The following NDUFA8 variants were observed in gnomAD, a reference collection of about 807,000 sequenced individuals.
The protein encoded by NDUFA8 is NADH:ubiquinone oxidoreductase subunit A8.
NDUFA8 carries 16 observed loss-of-function variants against 20.9 expected under a neutral mutation model. The observed-to-expected ratio is 0.77, with a 90% CI of 0.52 to 1.16. The LOEUF (loss-of-function observed/expected upper bound fraction) is 1.16. Among genes scored for constraint, NDUFA8 ranks in the 50% most tolerant of loss-of-function variants. NDUFA8 has a pLI of 0.00. For synonymous variants in NDUFA8, 70 were observed against 76.1 expected, an observed-to-expected ratio of 0.92 and a Z score of 0.41; for missense variants, 202 against 216.4, an observed-to-expected ratio of 0.93 and a Z score of 0.42.
chr9:122,140,678 G>A (rs185357444), downstream of NDUFA8, among the ~76,000 whole-genome samples: 7 of 152,280 alleles, frequency 4.6e-5, no homozygotes, highest in African/African-American at 7.2e-5. Flanking sequence ...CCAGGGTCAC[G>A]ACAGGTGTTA....
chr9:122,158,571 ATTAC>A (rs149064590), intron 1 of NDUFA8, among the ~76,000 whole-genome samples: 1,901 of 151,996 alleles, frequency 0.013, 46 homozygotes, highest in African/African-American at 0.044. Flanking sequence ...TTCCAGCTCT[ATTAC>A]TTACGAGCTC....
Position 122,159,771 on chromosome 9 carries a change from C to A in NDUFA8, c.-94G>T. 1.9e-6 allele frequency: 3 copies of A among 1,566,722 alleles called. No individual in the cohort carries two copies. The highest frequency in any genetic ancestry group is 2.6e-6 in the Non-Finnish European group (3 of 1,138,236). On this transcript the variant is annotated 5_prime_UTR_variant, in exon 1 of 4. Coordinates refer to ENST00000373768, the MANE Select transcript of NDUFA8 (RefSeq NM_014222.3). The stretch of plus-strand genomic sequence containing the variant: ...TTCGACCGCCGAGTGCCACACGGCG[C>A]CTGCGCATGCGCATCCGGCAACACG...
intron 1 of NDUFA8, 127 bp downstream of exon 1, chr9:122,159,500 T>A (rs529305520): frequency 8.8e-7 from 1 of 1,141,768 alleles, no homozygotes; most frequent in African/African-American, 1.5e-5. Flanking sequence ...GGTCGACCTG[T>A]ATATGCGTTG....
chr9:122,158,756 G>T (rs1009259560), intron 1 of NDUFA8, among the ~76,000 whole-genome samples: 3 of 143,002 alleles, frequency 2.1e-5, no homozygotes, highest in Admixed American at 7.0e-5. Flanking sequence ...TATATATATG[G>T]TATATATATA....
chr9:122,155,888 CAT>C lies in NDUFA8; in HGVS notation c.52-3482_52-3481del, dbSNP rs1829069864. Among the ~76,000 whole-genome samples, 4 of 152,282 alleles carry C rather than the reference CAT, an allele frequency of 2.6e-5. 1 individual carries two copies. The highest frequency in any genetic ancestry group is 2.6e-4 in the Admixed American group (4 of 15,290). On this transcript the variant is annotated intron_variant, in intron 1 of 3. Transcript: ENST00000373768. ...AATCTTATCAAAATGAAGGTATACA[CAT>C]GTTGCTGAGCATATAAAACACCATC...
At chr9:122,158,773 C>CA (rs1244440274) in intron 1 of NDUFA8, among the ~76,000 whole-genome samples, 3 of 146,630 alleles carry the variant, frequency 2.0e-5, no homozygotes, top group African/African-American at 7.8e-5. Context: ...TATATACACA[C>CA]CAATTGTGTG....
intron 3 of NDUFA8, among the ~76,000 whole-genome samples, chr9:122,146,382 T>C (rs1358066045): frequency 6.6e-6 from 1 of 152,262 alleles, no homozygotes; most frequent in African/African-American, 2.4e-5. Flanking sequence ...TGACTTGTTA[T>C]TTCTTCTTTC....
chr9:122,149,173 A>C (rs1456263746), intron 2 of NDUFA8, among the ~76,000 whole-genome samples: 1 of 152,132 alleles, frequency 6.6e-6, no homozygotes, highest in African/African-American at 2.4e-5. Flanking sequence ...CTACACTCTC[A>C]CATGAATCTT....
intron 1 of NDUFA8, among the ~76,000 whole-genome samples, chr9:122,158,801 ATG>A: frequency 7.2e-6 from 1 of 139,804 alleles, no homozygotes; most frequent in East Asian, 2.0e-4. Context: ...ATATATGTGT[ATG>A]TGTGTGTATA....
chr9:122,135,316 T>A, the NDUFA8 span, among the ~76,000 whole-genome samples: 1 of 152,220 alleles, frequency 6.6e-6, no homozygotes, highest in African/African-American at 2.4e-5. Context: ...GTTGTTATTC[T>A]CATTTCTCAA....
At chr9:122,146,310 TCA>T (rs1828904271) in intron 3 of NDUFA8, among the ~76,000 whole-genome samples, 1 of 152,166 alleles carries the variant, frequency 6.6e-6, no homozygotes, top group African/African-American at 2.4e-5. Context: ...TTTTTTTATC[TCA>T]CAGAGTTTTA....
chr9:122,151,807 T>C (rs1482417068), intron 2 of NDUFA8, among the ~76,000 whole-genome samples: 3 of 152,202 alleles, frequency 2.0e-5, no homozygotes, highest in Non-Finnish European at 4.4e-5. Flanking sequence ...TTAAGTATCA[T>C]GCACAATGAC....
At chr9:122,148,002 G>A (rs1828931236) in intron 3 of NDUFA8, 110 bp downstream of exon 3, 1 of 1,273,620 alleles carries the variant, frequency 7.9e-7, no homozygotes, top group African/African-American at 1.5e-5. Flanking sequence ...TGGTAAATCT[G>A]GTAAGTTCTT....
At chr9:122,146,821 A>G (rs961423592) in intron 3 of NDUFA8, among the ~76,000 whole-genome samples, 2 of 152,222 alleles carry the variant, frequency 1.3e-5, no homozygotes, top group East Asian at 3.9e-4. Context: ...ACCTGTGCCC[A>G]GGAAGTCAAG....
intron 1 of NDUFA8, among the ~76,000 whole-genome samples, chr9:122,154,387 T>C (rs569047699): frequency 3.3e-5 from 5 of 152,236 alleles, no homozygotes; most frequent in Non-Finnish European, 7.3e-5. Context: ...ATTCTTGTCC[T>C]TTGGTTAAAA....
chr9:122,152,299 C>G lies in NDUFA8; in HGVS notation c.161G>C (p.Arg54Thr), dbSNP rs1407502493. The G allele has an allele frequency of 6.2e-7, 1 of 1,614,216 alleles. No homozygotes were observed. The highest frequency in any genetic ancestry group is 1.3e-5 in the African/African-American group (1 of 75,044). Residue 54 changes from arginine (R) to threonine (T), a missense_variant, in exon 2 of 4, where the codon AGG becomes ACG. Arg to Thr is a moderately conservative substitution (Grantham distance 71). Transcript: ENST00000373768. ...CAGTTTGCCTTCCTCTAAACACCGC[C>G]TCGGATCTTTCTCTTCCCAGCGGCA... ...MLCRWEEKDP[R>T]RCLEEGKLVN...
chr9:122,147,966 T>C, intron 3 of NDUFA8, 146 bp downstream of exon 3: 1 of 1,034,672 alleles, frequency 9.7e-7, no homozygotes, highest in Non-Finnish European at 1.5e-6. Context: ...CTGGATTGTG[T>C]ATAATCACTG....
chr9:122,134,311 C>T, the NDUFA8 span, among the ~76,000 whole-genome samples: 13 of 152,300 alleles, frequency 8.5e-5, no homozygotes, highest in Middle Eastern at 3.4e-3. Flanking sequence ...TCAGACAAAA[C>T]TGGGTTTAAA....
intron 1 of NDUFA8, among the ~76,000 whole-genome samples, chr9:122,157,351 T>C (rs905348730): frequency 1.3e-5 from 2 of 152,234 alleles, no homozygotes; most frequent in Non-Finnish European, 2.9e-5. Flanking sequence ...TCACCTCATC[T>C]TACAAATAAC....
Sources: allele counts gnomAD v4.1 joint callset (sites outside exome capture counted in the v4.1 genomes callset), GRCh38; gene constraint gnomAD v4.1.1; transcripts MANE v1.5; gene names NCBI Gene and HGNC (gene_info 2026-07-23, HGNC 2026-07-21).